The following DENND1A variants were observed in gnomAD, a reference collection of about 807,000 sequenced individuals.
DENND1A encodes DENN domain containing 1A.
Under a neutral mutation model 113.7 loss-of-function variants are expected in DENND1A, and 51 were observed. The ratio of observed to expected loss-of-function variants is 0.45; its 90% CI spans 0.36 to 0.57. The LOEUF (loss-of-function observed/expected upper bound fraction) is 0.57, where lower values mean the gene tolerates loss of function less well. Among genes scored for constraint, DENND1A ranks in the 20% least tolerant of loss-of-function variants. DENND1A has a pLI of 0.00. For missense variants in DENND1A, 1,258 were observed against 1,395.9 expected (o/e 0.90, Z 1.57); for synonymous variants, 565 against 570.8 (o/e 0.99, Z 0.14).
intron 13 of DENND1A, among the ~76,000 whole-genome samples, chr9:123,514,686 G>C (rs986490384): frequency 6.6e-6 from 1 of 152,210 alleles, no homozygotes; most frequent in Non-Finnish European, 1.5e-5. Flanking sequence ...ACTGGAATAG[G>C]AACCATTGGT....
At chr9:123,848,635 C>A (rs1279272054) in intron 2 of DENND1A, among the ~76,000 whole-genome samples, 1 of 152,128 alleles carries the variant, frequency 6.6e-6, no homozygotes, top group Non-Finnish European at 1.5e-5. Context: ...GTCTTTAAAT[C>A]AAAAGCTAAA....
intron 5 of DENND1A, among the ~76,000 whole-genome samples, chr9:123,720,674 C>T (rs2067274951): frequency 6.6e-6 from 1 of 152,186 alleles, no homozygotes; most frequent in South Asian, 2.1e-4. Context: ...TTTATCATTG[C>T]CAACACTGTC....
intron 12 of DENND1A, among the ~76,000 whole-genome samples, chr9:123,572,806 T>A (rs1471129189): frequency 6.6e-6 from 1 of 152,176 alleles, no homozygotes; most frequent in African/African-American, 2.4e-5. Context: ...TTTCATGACA[T>A]CCAATTTATC....
chr9:123,882,042 CTTCT>C (rs1354370723), intron 1 of DENND1A, among the ~76,000 whole-genome samples: 5 of 152,126 alleles, frequency 3.3e-5, no homozygotes, highest in Non-Finnish European at 7.3e-5. Flanking sequence ...TTGCGAATTC[CTTCT>C]CAGGTTAGCT....
intron 1 of DENND1A, among the ~76,000 whole-genome samples, chr9:123,913,567 GAA>G (rs1323852328): frequency 2.0e-5 from 3 of 152,114 alleles, no homozygotes; most frequent in Non-Finnish European, 4.4e-5. Flanking sequence ...AAAGATTTAA[GAA>G]ACTCTGGAAG....
chr9:123,923,105 A>T (rs1214608736), intron 1 of DENND1A, among the ~76,000 whole-genome samples: 1 of 152,210 alleles, frequency 6.6e-6, no homozygotes, highest in East Asian at 1.9e-4. Context: ...GACCTTTGCA[A>T]CTGCAACCGG....
intron 5 of DENND1A, among the ~76,000 whole-genome samples, chr9:123,703,355 G>A (rs1377994609): frequency 6.6e-6 from 1 of 152,184 alleles, no homozygotes; most frequent in South Asian, 2.1e-4. Flanking sequence ...AATGTCAGGG[G>A]AGGATGTACA....
intron 1 of DENND1A, among the ~76,000 whole-genome samples, chr9:123,903,485 C>T (rs949412194): frequency 1.3e-5 from 2 of 151,986 alleles, no homozygotes; most frequent in Admixed American, 1.3e-4. Context: ...TAGGGAGTGC[C>T]AGACAGTGGG....
At chr9:123,844,551 T>G (rs1384820873) in intron 2 of DENND1A, among the ~76,000 whole-genome samples, 1 of 152,116 alleles carries the variant, frequency 6.6e-6, no homozygotes, top group Admixed American at 6.6e-5. Flanking sequence ...CAAAACATTA[T>G]GGGGAAAAAA....
chr9:123,598,877 G>A (rs2059819347), intron 11 of DENND1A, among the ~76,000 whole-genome samples: 1 of 152,172 alleles, frequency 6.6e-6, no homozygotes, highest in Non-Finnish European at 1.5e-5. Context: ...CCAAGGTTTA[G>A]CAGACATTAT....
chr9:123,761,631 A>G (rs953773466), intron 4 of DENND1A, among the ~76,000 whole-genome samples: 6 of 152,286 alleles, frequency 3.9e-5, no homozygotes, highest in African/African-American at 7.2e-5. Flanking sequence ...CTTATTCTCA[A>G]TTGATTCCCT....
chr9:123,899,961 T>C (rs1482809000), intron 1 of DENND1A, among the ~76,000 whole-genome samples: 1 of 152,258 alleles, frequency 6.6e-6, no homozygotes, highest in African/African-American at 2.4e-5. Context: ...TAAGAATAAC[T>C]GACTTTGTAT....
chr9:123,586,789 A>G (rs1473522298), intron 11 of DENND1A, among the ~76,000 whole-genome samples: 1 of 152,132 alleles, frequency 6.6e-6, no homozygotes, highest in African/African-American at 2.4e-5. Flanking sequence ...GATGAGAAGA[A>G]AGCCAGACCG....
chr9:123,766,739 G>T lies in DENND1A; in HGVS notation c.182+2775C>A, dbSNP rs193247284. On this transcript the variant is annotated intron_variant, in intron 4 of 23. Coordinates refer to ENST00000394215, the MANE Select transcript of DENND1A (RefSeq NM_001352964.2). ...CTGCTCTTATCTCTTATGATAGGAG[G>T]ATAAAATGAGATAATATATGAGGAA... 1.2e-3 allele frequency among the ~76,000 whole-genome samples: 189 copies of T among 152,272 alleles called. 4 individuals are homozygous for T. Among genetic ancestry groups the T allele is most frequent in the Admixed American group, 0.011 (161 of 15,296 alleles).
chr9:123,709,670 C>T (rs570194501), intron 5 of DENND1A, among the ~76,000 whole-genome samples: 9 of 152,282 alleles, frequency 5.9e-5, no homozygotes, highest in South Asian at 4.1e-4. Flanking sequence ...TCTGCAGGGG[C>T]CAATTTCAGC....
At chr9:123,901,658 T>A (rs1851642581) in intron 1 of DENND1A, among the ~76,000 whole-genome samples, 1 of 152,208 alleles carries the variant, frequency 6.6e-6, no homozygotes, top group Non-Finnish European at 1.5e-5. Flanking sequence ...CCTCATCATG[T>A]GGTTGTGAAG....
intron 10 of DENND1A, among the ~76,000 whole-genome samples, chr9:123,626,441 T>C (rs2061220234): frequency 6.6e-6 from 1 of 152,092 alleles, no homozygotes. Context: ...GTGTGTCTCC[T>C]TTCTACCTTC....
chr9:123,618,490 G>A (rs939694716), intron 10 of DENND1A, among the ~76,000 whole-genome samples: 1 of 152,234 alleles, frequency 6.6e-6, no homozygotes, highest in Non-Finnish European at 1.5e-5. Flanking sequence ...AACGTTGCAT[G>A]GAGGCCAGCA....
rs765790619 is a variant in DENND1A, at chr9:123,450,706, C to T, written c.1343G>A (p.Arg448His). 3.7e-6 allele frequency: 6 copies of T among 1,609,874 alleles called. No homozygotes were observed. Among genetic ancestry groups the T allele is most frequent in the African/African-American group, 1.3e-5 (1 of 74,658 alleles). ...AKMGIKEVKN[R>H]LKQKDIAENG... is the part of the protein sequence containing the mutation. ...AACTTCAAGTACCTTTTGCTTCAAG[C>T]GGTTTTTCACCTCTTTTATTCCCAT... Residue 448 changes from arginine to histidine, a missense_variant, in exon 18 of 24, where the codon CGC becomes CAC. Transcript: ENST00000394215.
Sources: gnomAD v4.1 joint callset for allele counts (sites outside exome capture counted in the v4.1 genomes callset) on GRCh38, gnomAD v4.1.1 for gene constraint, MANE v1.5 for transcripts, NCBI Gene and HGNC (gene_info 2026-07-23, HGNC 2026-07-21) for gene names.